MBNL2: variants seen among roughly 807,000 people sequenced by gnomAD.
The protein encoded by MBNL2 is muscleblind-like protein 2.
In MBNL2, 17 loss-of-function variants were observed where a neutral mutation model predicts 41.9. The ratio of observed to expected loss-of-function variants is 0.41; its 90% CI spans 0.28 to 0.61. MBNL2 has a LOEUF of 0.61. Among genes scored for constraint, MBNL2 ranks in the 20% least tolerant of loss-of-function variants. The probability of loss-of-function intolerance (pLI) is 0.35; values close to 1 mark genes in which losing one functional copy is unlikely to be tolerated. For synonymous variants in MBNL2, 195 were observed against 182.9 expected (o/e 1.07, Z -0.53); for missense variants, 336 against 505.6 (o/e 0.66, Z 3.22).
At chr13:97,225,152 C>A (rs1026541574) in intron 1 of MBNL2, among the ~76,000 whole-genome samples, 1 of 152,188 alleles carries the variant, frequency 6.6e-6, no homozygotes, top group African/African-American at 2.4e-5. Flanking sequence ...CACATGGCTA[C>A]CAGCCAGTCC....
chr13:97,266,612 T>C (rs555195620), intron 1 of MBNL2, among the ~76,000 whole-genome samples: 12 of 152,382 alleles, frequency 7.9e-5, no homozygotes, highest in African/African-American at 2.9e-4. Flanking sequence ...GGCCAAGTCA[T>C]CGATCAACAG....
intron 2 of MBNL2, among the ~76,000 whole-genome samples, chr13:97,278,605 G>T (rs562156719): frequency 8.5e-5 from 13 of 152,108 alleles, no homozygotes; most frequent in Non-Finnish European, 1.6e-4. Flanking sequence ...AGAATAAAGG[G>T]TCATGAATCA....
chr13:97,293,892 C>T (rs1159148917), intron 2 of MBNL2, among the ~76,000 whole-genome samples: 3 of 151,874 alleles, frequency 2.0e-5, no homozygotes, highest in Non-Finnish European at 4.4e-5. Context: ...GATTTTGGTG[C>T]ACCCATCACC....
chr13:97,263,186 G>C (rs901058251), intron 1 of MBNL2, among the ~76,000 whole-genome samples: 2 of 152,074 alleles, frequency 1.3e-5, no homozygotes, highest in African/African-American at 2.4e-5. Flanking sequence ...TAACACCTCC[G>C]TTTTGTTCTC....
At chr13:97,340,624 G>C (rs188467271) in intron 3 of MBNL2, among the ~76,000 whole-genome samples, 1 of 152,248 alleles carries the variant, frequency 6.6e-6, no homozygotes. Flanking sequence ...TTGCAGATAA[G>C]AAAATTAAAG....
chr13:97,188,801 C>T, the MBNL2 span, among the ~76,000 whole-genome samples: 1 of 152,164 alleles, frequency 6.6e-6, no homozygotes, highest in Non-Finnish European at 1.5e-5. Context: ...AATCTGTCTC[C>T]TCTCACTGTC....
intron 8 of MBNL2, among the ~76,000 whole-genome samples, chr13:97,388,523 G>A (rs750024348): frequency 1.1e-4 from 16 of 151,836 alleles, no homozygotes; most frequent in Non-Finnish European, 2.2e-4. Context: ...TCTCCCTCCC[G>A]CCAGTCCCCA....
At chr13:97,344,093 AC>A (rs1189669619) in intron 4 of MBNL2, among the ~76,000 whole-genome samples, 1 of 152,376 alleles carries the variant, frequency 6.6e-6, no homozygotes, top group East Asian at 1.9e-4. Context: ...GGCGTGAGCC[AC>A]CGCGCCCAGC....
chr13:97,314,840 C>T lies in MBNL2; in HGVS notation c.175-19436C>T, dbSNP rs138670770. Among the ~76,000 whole-genome samples, 13 of 152,318 alleles carry T rather than the reference C, an allele frequency of 8.5e-5. No homozygotes were observed. The East Asian group carries it at 2.5e-3, about 29-fold the overall frequency. On this transcript the variant is annotated intron_variant, in intron 2 of 8. Transcript: ENST00000679496. ...GTGAGAATCCTGGCTTTCCCACCTC[C>T]TAGCTCTGTGACCACTGATAAACTA...
chr13:97,345,813 G>A (rs1043550768), intron 4 of MBNL2, among the ~76,000 whole-genome samples: 2 of 113,744 alleles, frequency 1.8e-5, no homozygotes, highest in African/African-American at 6.9e-5. Flanking sequence ...CATTTTCTCT[G>A]ATTCTTTTTG....
the MBNL2 span, among the ~76,000 whole-genome samples, chr13:97,187,015 A>G: frequency 6.6e-6 from 1 of 152,174 alleles, no homozygotes; most frequent in Non-Finnish European, 1.5e-5. Flanking sequence ...GCCACCCTCA[A>G]AATAGTGAGA....
chr13:97,253,202 TA>T (rs1209439182), intron 1 of MBNL2, among the ~76,000 whole-genome samples: 1 of 152,220 alleles, frequency 6.6e-6, no homozygotes, highest in African/African-American at 2.4e-5. Context: ...TATATACATT[TA>T]AAATAAAGAT....
chr13:97,201,987 A>G, the MBNL2 span, among the ~76,000 whole-genome samples: 1 of 152,208 alleles, frequency 6.6e-6, no homozygotes, highest in Admixed American at 6.5e-5. Context: ...AAAGATTATG[A>G]CCTTATAGTT....
chr13:97,284,266 C>T (rs1328249156), intron 2 of MBNL2, among the ~76,000 whole-genome samples: 1 of 152,168 alleles, frequency 6.6e-6, no homozygotes, highest in African/African-American at 2.4e-5. Context: ...GCCACGCTCC[C>T]TCTGAAGCCC....
chr13:97,221,258 T>G (rs1312036993), upstream of MBNL2, among the ~76,000 whole-genome samples: 2 of 152,174 alleles, frequency 1.3e-5, no homozygotes, highest in African/African-American at 4.8e-5. Flanking sequence ...ATACTTTTTT[T>G]TTCTCAAAAT....
the MBNL2 span, among the ~76,000 whole-genome samples, chr13:97,148,338 A>G: frequency 5.7e-4 from 87 of 151,522 alleles, no homozygotes; most frequent in African/African-American, 2.0e-3. Flanking sequence ...TTTTTTTTTC[A>G]ATTTGGTAAG....
chr13:97,289,567 T>C (rs900656154), intron 2 of MBNL2, among the ~76,000 whole-genome samples: 1 of 152,244 alleles, frequency 6.6e-6, no homozygotes, highest in Non-Finnish European at 1.5e-5. Flanking sequence ...CTGAGTGGTA[T>C]GTAAAGTCAA....
intron 2 of MBNL2, among the ~76,000 whole-genome samples, chr13:97,287,952 T>TTC (rs2054983174): frequency 6.8e-6 from 1 of 147,364 alleles, no homozygotes; most frequent in African/African-American, 2.5e-5. Context: ...TTTTTTTTTT[T>TTC]TAGTAGAGAT....
At chr13:97,248,223 G>A (rs1257362950) in intron 1 of MBNL2, among the ~76,000 whole-genome samples, 1 of 152,234 alleles carries the variant, frequency 6.6e-6, no homozygotes, top group Non-Finnish European at 1.5e-5. Context: ...CTGGGTTCAA[G>A]CGATTCTCCT....
Sources: allele counts gnomAD v4.1 joint callset (sites outside exome capture counted in the v4.1 genomes callset), GRCh38; gene constraint gnomAD v4.1.1; transcripts MANE v1.5; gene names NCBI Gene and HGNC (gene_info 2026-07-23, HGNC 2026-07-21).